The following SCML4 variants were observed in gnomAD, a reference collection of about 807,000 sequenced individuals.
The protein encoded by SCML4 is Scm polycomb group protein like 4, also known as sex comb on midleg-like protein 4.
A neutral mutation model predicts 41.1 loss-of-function variants in SCML4; 34 were observed. That is an observed-to-expected ratio of 0.83 (90% confidence interval 0.63 to 1.10). SCML4 has a LOEUF of 1.10. SCML4 is among the 50% of genes least tolerant of loss of function. The pLI is 0.00. For missense variants in SCML4, 522 were observed against 534.1 expected, an observed-to-expected ratio of 0.98 and a Z score of 0.22; for synonymous variants, 214 against 220.9, an observed-to-expected ratio of 0.97 and a Z score of 0.28.
intron 2 of SCML4, among the ~76,000 whole-genome samples, chr6:107,763,112 G>A (rs1311391153): frequency 6.6e-6 from 1 of 151,914 alleles, no homozygotes; most frequent in Non-Finnish European, 1.5e-5. Context: ...CGAACTCTTA[G>A]GCTCAGGTGA....
chr6:107,790,169 A>C lies in SCML4; in HGVS notation c.-59-17783T>G, dbSNP rs146041812. ...GCTGGAGGTGGGTGGGAGATGTTGCATTTTACCAGCTGACTTCTCAAGATC... is the reference window on the plus strand; with the variant it reads ...GCTGGAGGTGGGTGGGAGATGTTGCCTTTTACCAGCTGACTTCTCAAGATC... On this transcript the variant is annotated intron_variant, in intron 1 of 7. Coordinates refer to ENST00000369020, the MANE Select transcript of SCML4 (RefSeq NM_198081.5). Among the ~76,000 whole-genome samples, 309 of 152,244 alleles carry C rather than the reference A, an allele frequency of 2.0e-3. 3 individuals carry two copies. The highest frequency in any genetic ancestry group is 7.1e-3 in the African/African-American group (293 of 41,550).
chr6:107,733,954 T>A (rs1776804872), intron 5 of SCML4, among the ~76,000 whole-genome samples: 1 of 152,178 alleles, frequency 6.6e-6, no homozygotes. Flanking sequence ...TCTGGCCAGC[T>A]CTAATGGCTC....
chr6:107,793,830 A>G (rs1240691881), intron 1 of SCML4, among the ~76,000 whole-genome samples: 1 of 152,164 alleles, frequency 6.6e-6, no homozygotes, highest in Admixed American at 6.5e-5. Flanking sequence ...CTGTGGTACC[A>G]GCTACTCAGG....
chr6:107,769,450 G>C (rs932379356), intron 2 of SCML4, among the ~76,000 whole-genome samples: 8 of 152,192 alleles, frequency 5.3e-5, no homozygotes, highest in African/African-American at 1.9e-4. Flanking sequence ...TTGGACCAGA[G>C]AGAGTTCCCA....
At chr6:107,733,018 T>C (rs538347809) in intron 5 of SCML4, among the ~76,000 whole-genome samples, 73 of 152,210 alleles carry the variant, frequency 4.8e-4, no homozygotes, top group Non-Finnish European at 5.9e-4. Context: ...GGGACCCATC[T>C]GGCAACAAAC....
chr6:107,707,931 C>G lies in SCML4; in HGVS notation c.1054G>C (p.Val352Leu), dbSNP rs773751381. The change falls in exon 7 of 8, where the codon GTG (valine) becomes CTG (leucine). Residue 352 changes from valine to leucine, a missense_variant. Coordinates refer to ENST00000369020, the MANE Select transcript of SCML4 (RefSeq NM_198081.5). ...GGGTCGGCGTCCTTCACAAACCACA[C>G]CACGTCCTCCACAGTCCAGGCGGAG... ...NPSAWTVEDV[V>L]WFVKDADPQA... The G allele has an allele frequency of 6.4e-7, 1 of 1,551,586 alleles. No individual in the cohort carries two copies. The highest frequency in any genetic ancestry group is 8.7e-7 in the Non-Finnish European group (1 of 1,146,998).
chr6:107,816,490 G>A (rs371675152), intron 1 of SCML4, among the ~76,000 whole-genome samples: 5 of 152,140 alleles, frequency 3.3e-5, no homozygotes, highest in Admixed American at 6.5e-5. Flanking sequence ...GAATCCGTGC[G>A]GTTCCATTTA....
At chr6:107,721,291 C>A (rs1401734014) in intron 5 of SCML4, among the ~76,000 whole-genome samples, 1 of 152,126 alleles carries the variant, frequency 6.6e-6, no homozygotes, top group Admixed American at 6.5e-5. Context: ...AGGCCAGGTG[C>A]AGTGGCTCCC....
chr6:107,761,486 G>A (rs1217919274), intron 2 of SCML4, among the ~76,000 whole-genome samples: 2 of 151,018 alleles, frequency 1.3e-5, no homozygotes, highest in Non-Finnish European at 2.9e-5. Context: ...ACCCGTGCTG[G>A]AGTGCAATGG....
chr6:107,810,870 G>A (rs895445964), intron 1 of SCML4, among the ~76,000 whole-genome samples: 4 of 152,016 alleles, frequency 2.6e-5, no homozygotes, highest in Non-Finnish European at 1.5e-5. Flanking sequence ...TCTACTCCAG[G>A]GCTCAAGCAA....
chr6:107,786,841 C>T (rs1302758995), intron 1 of SCML4, among the ~76,000 whole-genome samples: 1 of 152,198 alleles, frequency 6.6e-6, no homozygotes, highest in African/African-American at 2.4e-5. Context: ...TTTCCAACAA[C>T]AAGGCCACTG....
At chr6:107,840,278 G>A in the SCML4 span, among the ~76,000 whole-genome samples, 1 of 152,226 alleles carries the variant, frequency 6.6e-6, no homozygotes, top group Non-Finnish European at 1.5e-5. Context: ...TTCATTGAAT[G>A]CATAGACTGT....
At position 107,768,095 on chromosome 6, in the gene SCML4, TA is replaced by T. The variant is rs1446188258; in HGVS notation, c.156+4076del. 2.8e-5 allele frequency among the ~76,000 whole-genome samples: 3 copies of T among 107,420 alleles called. No individual in the cohort carries two copies. In the Admixed American group the frequency reaches 3.5e-4, roughly 12 times the overall value. The allele number at this position is 107,420 out of a possible 152,430, so 70.5% of individuals were successfully genotyped here. On this transcript the variant is annotated intron_variant, in intron 2 of 7. Coordinates refer to ENST00000369020, the MANE Select transcript of SCML4 (RefSeq NM_198081.5). ...GGGGAACTCGGTGAGACTTCATCTG[TA>T]CAAAAAAAAAAAAAAAAAAGTAAAA... is the stretch of plus-strand genomic sequence containing the variant.
At chr6:107,748,812 G>A (rs753765967) in intron 3 of SCML4, among the ~76,000 whole-genome samples, 2 of 152,200 alleles carry the variant, frequency 1.3e-5, no homozygotes, top group African/African-American at 4.8e-5. Flanking sequence ...CCATCTGGGG[G>A]ACCCTGGCAG....
intron 1 of SCML4, among the ~76,000 whole-genome samples, chr6:107,798,516 G>T (rs138799346): frequency 2.0e-4 from 31 of 151,856 alleles, no homozygotes; most frequent in African/African-American, 7.2e-4. Flanking sequence ...CTTGCTTGGG[G>T]TTATCAATCT....
intron 7 of SCML4, among the ~76,000 whole-genome samples, 198 bp from the exon 8 acceptor site, chr6:107,705,523 T>C (rs139677470): frequency 4.6e-4 from 70 of 152,294 alleles, no homozygotes; most frequent in Non-Finnish European, 9.6e-4. Context: ...CCCCATCATC[T>C]CCCTGGAGTC....
chr6:107,769,845 T>C (rs1405378508), intron 2 of SCML4, among the ~76,000 whole-genome samples: 1 of 152,180 alleles, frequency 6.6e-6, no homozygotes, highest in African/African-American at 2.4e-5. Context: ...ACTAACCAGC[T>C]ATAATTGAGC....
chr6:107,842,734 T>C, the SCML4 span, among the ~76,000 whole-genome samples: 1 of 152,226 alleles, frequency 6.6e-6, no homozygotes, highest in African/African-American at 2.4e-5. Flanking sequence ...CTTTCAACCA[T>C]TGAGAGAAGA....
intron 6 of SCML4, among the ~76,000 whole-genome samples, chr6:107,715,962 C>A (rs145063513): frequency 8.4e-6 from 1 of 118,842 alleles, no homozygotes; most frequent in Non-Finnish European, 1.6e-5. Context: ...TGGGATGGAA[C>A]TTCAGAGCAA....
Sources: allele counts gnomAD v4.1 joint callset (sites outside exome capture counted in the v4.1 genomes callset), GRCh38; gene constraint gnomAD v4.1.1; transcripts MANE v1.5; gene names NCBI Gene and HGNC (gene_info 2026-07-23, HGNC 2026-07-21).